The following ABAT variants were observed in gnomAD, a reference collection of about 807,000 sequenced individuals.
ABAT encodes the protein 4-aminobutyrate aminotransferase, mitochondrial.
A neutral mutation model predicts 64.6 loss-of-function variants in ABAT; 45 were observed. The ratio of observed to expected loss-of-function variants is 0.70; its 90% CI spans 0.55 to 0.89. The LOEUF (loss-of-function observed/expected upper bound fraction) is 0.89. Among genes scored for constraint, ABAT ranks in the 40% least tolerant of loss-of-function variants. The pLI, the probability that ABAT is intolerant of heterozygous loss-of-function variation, is 0.00. For missense variants in ABAT, 633 were observed against 658.4 expected (o/e 0.96, Z 0.42); for synonymous variants, 297 against 250.5 (o/e 1.19, Z -1.75).
At chr16:8,680,184 G>A (rs1215781643) in intron 1 of ABAT, among the ~76,000 whole-genome samples, 2 of 151,490 alleles carry the variant, frequency 1.3e-5, no homozygotes, top group African/African-American at 2.4e-5. Flanking sequence ...ATTCTTCCTG[G>A]GTCCATCACA....
Position 8,750,473 on chromosome 16 carries a change from T to A in ABAT, c.250T>A (p.Tyr84Asn), listed in dbSNP as rs2059447849. The A allele has an allele frequency of 6.2e-7, 1 of 1,614,106 alleles. No individual in the cohort carries two copies. The highest frequency in any genetic ancestry group is 1.3e-5 in the African/African-American group (1 of 74,946). ...FCNYEESRGN[Y>N]LVDVDGNRML... ...CAATTACGAAGAGAGCCGAGGCAAT[T>A]ACCTGGTTGATGTGGACGGCAACCG... Residue 84 changes from tyrosine (Y) to asparagine (N), a missense_variant, in exon 5 of 16, where the codon TAC becomes AAC. Transcript: ENST00000268251.
chr16:8,764,148 C>G lies in ABAT; in HGVS notation c.446C>G (p.Ser149Trp), dbSNP rs374113959. 6.2e-7 allele frequency: 1 copy of G among 1,612,924 alleles called. No individual in the cohort carries two copies. Among genetic ancestry groups the G allele is most frequent in the Non-Finnish European group, 8.5e-7 (1 of 1,179,838 alleles). ...GAGAAGCTCCGGCAGTCCTTGCTCT[C>G]GGTGAGTTCTGGAGAAGCAATCCCA... ...FVEKLRQSLL[S>W]VAPKGMSQLI... Residue 149 changes from serine (S) to tryptophan (W), a missense_variant and splice_region_variant, in exon 7 of 16, where the codon TCG becomes TGG. Physicochemically the swap from Ser to Trp is radical, Grantham distance 177. Transcript: ENST00000268251. The surrounding 1 kb of genome is among the most constrained non-coding windows in gnomAD (Gnocchi z 4.2).
intron 1 of ABAT, among the ~76,000 whole-genome samples, chr16:8,682,935 C>G (rs572118552): frequency 1.1e-4 from 17 of 152,182 alleles, no homozygotes; most frequent in Admixed American, 4.6e-4. Flanking sequence ...GTTTGAGAAG[C>G]GTATTTTAGA....
rs58743583 is a variant in ABAT at position 8,747,991 on chromosome 16, ATATT to A, written c.169-114_169-111del. On this transcript the variant is annotated intron_variant, in intron 3 of 15. Coordinates refer to ENST00000268251, the MANE Select transcript of ABAT (RefSeq NM_020686.6). Reference sequence around the variant, plus strand: ...TAAAGTAATATGGTTGACTAATAAAATATTTAGTTATTGGCAAAAGAAAAAAATG... The same window carrying A: ...TAAAGTAATATGGTTGACTAATAAAATAGTTATTGGCAAAAGAAAAAAATG... 1,969 of 933,088 alleles carry A rather than the reference ATATT, an allele frequency of 2.1e-3. 21 individuals carry two copies. In the African/African-American group the frequency reaches 0.029, roughly 14 times the overall value. The allele number at this position is 933,088 out of a possible 1,614,324, so 57.8% of individuals were successfully genotyped here.
At chr16:8,703,129 G>T (rs894467743) in intron 1 of ABAT, among the ~76,000 whole-genome samples, 2 of 152,020 alleles carry the variant, frequency 1.3e-5, no homozygotes, top group African/African-American at 4.8e-5. Context: ...ATACAGTAAT[G>T]ATATAAAAGT....
At chr16:8,699,527 C>T (rs76374851) in intron 1 of ABAT, among the ~76,000 whole-genome samples, 10,682 of 152,036 alleles carry the variant, frequency 0.07, 1,255 homozygotes, top group African/African-American at 0.24. Flanking sequence ...CATTGCAATC[C>T]AGCCTGGGTG....
At chr16:8,733,077 G>A (rs2058792359) in intron 1 of ABAT, among the ~76,000 whole-genome samples, 1 of 145,282 alleles carries the variant, frequency 6.9e-6, no homozygotes, top group Non-Finnish European at 1.5e-5. Flanking sequence ...GCGGGGGGCT[G>A]ACCCCCCCAC....
chr16:8,747,269 A>C (rs2059360722), intron 3 of ABAT, among the ~76,000 whole-genome samples: 2 of 152,152 alleles, frequency 1.3e-5, no homozygotes, highest in African/African-American at 4.8e-5. Flanking sequence ...TTCTAATGCA[A>C]ATTTATTTTT....
intron 1 of ABAT, chr16:8,722,793 T>G: frequency 7.8e-7 from 1 of 1,288,918 alleles, no homozygotes; most frequent in Non-Finnish European, 1.0e-6. Context: ...TCTAGCGGAT[T>G]GCAAAGGGCC....
intron 6 of ABAT, among the ~76,000 whole-genome samples, chr16:8,763,084 G>A (rs2059843175): frequency 7.1e-6 from 1 of 141,614 alleles, no homozygotes. Flanking sequence ...ACTCCAACCT[G>A]AGAGAGCAAG....
At chr16:8,721,016 T>C (rs1378495403) in intron 1 of ABAT, 1 of 152,176 alleles carries the variant, frequency 6.6e-6, no homozygotes, top group Admixed American at 6.5e-5. Flanking sequence ...GGCACTGCTC[T>C]GGGGCTGGGG....
intron 1 of ABAT, among the ~76,000 whole-genome samples, chr16:8,730,892 TA>T (rs985138695): frequency 6.6e-6 from 1 of 152,046 alleles, no homozygotes; most frequent in African/African-American, 2.4e-5. Flanking sequence ...TGGCTTCTTT[TA>T]AAAAAAATAG....
At chr16:8,735,654 G>T (rs1190701705) in intron 1 of ABAT, 45 bp from the exon 2 acceptor site, 2 of 1,465,264 alleles carry the variant, frequency 1.4e-6, no homozygotes, top group South Asian at 1.2e-5. Flanking sequence ...GCTGAGAGGG[G>T]AGTGGTCTTC....
rs1238286786 is a variant in ABAT, at chr16:8,674,961, C to T, written c.-42+250C>T. Among the ~76,000 whole-genome samples the T allele has an allele frequency of 2.0e-5, 3 of 152,172 alleles. No individual in the cohort carries two copies. The East Asian group carries it at 5.8e-4, about 29-fold the overall frequency. The stretch of plus-strand genomic sequence containing the variant: ...TCCAGCTCTAGACAGAAGTCCTCTC[C>T]CTTTTACCGCTTGAAATAGAATGCG... On this transcript the variant is annotated intron_variant, in intron 1 of 15. Coordinates refer to ENST00000268251, the MANE Select transcript of ABAT (RefSeq NM_020686.6).
intron 12 of ABAT, among the ~76,000 whole-genome samples, chr16:8,774,078 G>A (rs1198858614): frequency 1.3e-5 from 2 of 152,066 alleles, no homozygotes; most frequent in African/African-American, 4.8e-5. Context: ...ACAGGTGCAC[G>A]ACACCATGCC....
At chr16:8,693,364 CA>C (rs962777024) in intron 1 of ABAT, among the ~76,000 whole-genome samples, 51 of 151,650 alleles carry the variant, frequency 3.4e-4, no homozygotes, top group African/African-American at 1.2e-3. Context: ...CACAAATCTC[CA>C]AAAAAAATTC....
chr16:8,746,704 T>G lies in ABAT; in HGVS notation c.168+606T>G, dbSNP rs2059340975. 2.0e-5 allele frequency among the ~76,000 whole-genome samples: 3 copies of G among 150,458 alleles called. No individual in the cohort carries two copies. In the South Asian group the frequency reaches 6.3e-4, roughly 32 times the overall value. The stretch of plus-strand genomic sequence containing the variant: ...TCCAACCTGGGCAGCAGAGCAAGAC[T>G]CTGTCTCAAAAAAAAAAAAGAAAAA... On this transcript the variant is annotated intron_variant, in intron 3 of 15. Coordinates refer to ENST00000268251, the MANE Select transcript of ABAT (RefSeq NM_020686.6).
intron 1 of ABAT, among the ~76,000 whole-genome samples, chr16:8,686,706 T>C (rs552613394): frequency 1.3e-5 from 2 of 152,154 alleles, no homozygotes; most frequent in Non-Finnish European, 2.9e-5. Context: ...CCCTGGTGTC[T>C]AGGACTGACC....
intron 2 of ABAT, among the ~76,000 whole-genome samples, chr16:8,744,903 T>A (rs768040490): frequency 6.6e-6 from 1 of 152,156 alleles, no homozygotes; most frequent in Non-Finnish European, 1.5e-5. Context: ...AATTAATGGG[T>A]GCATAATATT....
Sources: gnomAD v4.1 joint callset for allele counts (sites outside exome capture counted in the v4.1 genomes callset) on GRCh38, gnomAD v4.1.1 for gene constraint, Gnocchi (gnomAD v3.1) non-coding constraint, MANE v1.5 for transcripts, NCBI Gene and HGNC (gene_info 2026-07-23, HGNC 2026-07-21) for gene names.